COL5A2: variants seen among roughly 807,000 people sequenced by gnomAD.
The protein encoded by COL5A2 is collagen type V alpha 2 chain.
COL5A2 carries 23 observed loss-of-function variants against 208.2 expected under a neutral mutation model. That is an observed-to-expected ratio of 0.11 (90% confidence interval 0.08 to 0.16). COL5A2 has a LOEUF of 0.16. Among genes scored for constraint, COL5A2 ranks in the 10% least tolerant of loss-of-function variants. The pLI, the probability that COL5A2 is intolerant of heterozygous loss-of-function variation, is 1.00. For synonymous variants in COL5A2, 625 were observed against 628.5 expected, an observed-to-expected ratio of 0.99 and a Z score of 0.08; for missense variants, 1,590 against 1,956.4, an observed-to-expected ratio of 0.81 and a Z score of 3.53.
the COL5A2 span, among the ~76,000 whole-genome samples, chr2:189,434,379 G>A: frequency 4.6e-5 from 7 of 152,208 alleles, no homozygotes; most frequent in Admixed American, 1.3e-4. Context: ...AGGAAAATAG[G>A]AAGTCAAATT....
intron 1 of COL5A2, among the ~76,000 whole-genome samples, chr2:189,165,495 G>T (rs1414139793): frequency 6.6e-6 from 1 of 152,074 alleles, no homozygotes; most frequent in African/African-American, 2.4e-5. Context: ...AATTGTTTTA[G>T]TTATTGGAGG....
intron 6 of COL5A2, among the ~76,000 whole-genome samples, chr2:189,096,640 A>G (rs1214896240): frequency 2.7e-5 from 4 of 150,108 alleles, no homozygotes; most frequent in East Asian, 1.9e-4. Context: ...AAAAAAAAAG[A>G]AAAAAAAAGT....
chr2:189,272,858 A>G, the COL5A2 span, among the ~76,000 whole-genome samples: 1 of 152,172 alleles, frequency 6.6e-6, no homozygotes, highest in South Asian at 2.1e-4. Flanking sequence ...AGTAACACAG[A>G]TATTTCAGAA....
chr2:189,285,490 C>T, the COL5A2 span, among the ~76,000 whole-genome samples: 1 of 151,904 alleles, frequency 6.6e-6, no homozygotes, highest in Non-Finnish European at 1.5e-5. Flanking sequence ...TGGGTGCTCA[C>T]AAAAATCTCA....
chr2:189,327,622 T>TA, the COL5A2 span, among the ~76,000 whole-genome samples: 2 of 152,158 alleles, frequency 1.3e-5, no homozygotes, highest in Admixed American at 6.6e-5. Context: ...ATGAATCAAA[T>TA]AAAGAGTTGA....
At chr2:189,186,421 T>C (rs1273521133) in intron 1 of COL5A2, among the ~76,000 whole-genome samples, 5 of 152,210 alleles carry the variant, frequency 3.3e-5, no homozygotes, top group African/African-American at 4.8e-5. Flanking sequence ...ATTAAGTACT[T>C]ACTATGTCAA....
the COL5A2 span, among the ~76,000 whole-genome samples, chr2:189,372,013 A>G: frequency 6.6e-6 from 1 of 152,214 alleles, no homozygotes; most frequent in South Asian, 2.1e-4. Flanking sequence ...CAAGGAATAA[A>G]GAATGTTTTC....
At position 189,110,313 on chromosome 2, in the gene COL5A2, A is replaced by G. The variant is rs1202611195; in HGVS notation, c.234T>C (p.Asp78=). The change falls in exon 2 of 54, where the codon GAT becomes GAC. Residue 78 remains aspartate, a synonymous_variant. Coordinates refer to ENST00000374866, the MANE Select transcript of COL5A2 (RefSeq NM_000393.5). ...TTACAGGGTCGGCACAGTCCAGCAC[A>G]TCCTGGCATTCTATCTTGTCACAGA... The part of the protein sequence containing the change: ...AILCDKIECQ[D]VLDCADPVTP... 6.2e-7 allele frequency: 1 copy of G among 1,614,170 alleles called. No individual in the cohort carries two copies. Among genetic ancestry groups the G allele is most frequent in the Admixed American group, 1.7e-5 (1 of 60,018 alleles).
At chr2:189,359,974 G>T in the COL5A2 span, among the ~76,000 whole-genome samples, 1 of 152,008 alleles carries the variant, frequency 6.6e-6, no homozygotes. Flanking sequence ...TCTAGCTAAA[G>T]ATTTGTCAAT....
the COL5A2 span, among the ~76,000 whole-genome samples, chr2:189,266,041 A>T: frequency 6.6e-6 from 1 of 152,216 alleles, no homozygotes; most frequent in Non-Finnish European, 1.5e-5. Flanking sequence ...TAATAGCTAA[A>T]AGGTGAAAAC....
chr2:189,349,959 T>C, the COL5A2 span, among the ~76,000 whole-genome samples: 1 of 151,998 alleles, frequency 6.6e-6, no homozygotes, highest in Non-Finnish European at 1.5e-5. Context: ...CAGAAAAAAA[T>C]GAGTGTTAGT....
At chr2:189,433,612 C>A in the COL5A2 span, among the ~76,000 whole-genome samples, 1 of 152,260 alleles carries the variant, frequency 6.6e-6, no homozygotes, top group African/African-American at 2.4e-5. Flanking sequence ...GACACATACA[C>A]CCTCCCAAGA....
chr2:189,078,715 C>T (rs1686468389), intron 15 of COL5A2, 146 bp from the exon 16 acceptor site: 2 of 795,112 alleles, frequency 2.5e-6, no homozygotes, highest in Non-Finnish European at 4.6e-6. Context: ...GTTTGAAAAA[C>T]TATCCCCATG....
intron 25 of COL5A2, 30 bp from the exon 26 acceptor site, chr2:189,064,063 T>C: frequency 1.3e-6 from 2 of 1,590,416 alleles, no homozygotes; most frequent in Non-Finnish European, 1.7e-6. Context: ...TGTCAGTTTG[T>C]TGCTGATATG....
At chr2:189,087,562 C>T (rs886327778) in intron 8 of COL5A2, among the ~76,000 whole-genome samples, 1 of 151,616 alleles carries the variant, frequency 6.6e-6, no homozygotes, top group African/African-American at 2.4e-5. Context: ...CTCCCGGGTT[C>T]ACGCCTCAGC....
At chr2:189,064,450 C>A in intron 25 of COL5A2, 107 bp downstream of exon 25, 3 of 794,384 alleles carry the variant, frequency 3.8e-6, no homozygotes, top group South Asian at 1.5e-5. Context: ...AAGAAATGTT[C>A]TAAACTGTAA....
intron 9 of COL5A2, 89 bp from the exon 10 acceptor site, chr2:189,085,861 G>T: frequency 2.7e-6 from 3 of 1,095,400 alleles, no homozygotes; most frequent in Non-Finnish European, 4.1e-6. Context: ...TAATTGTTTA[G>T]ACAGTTGGCT....
chr2:189,303,158 C>G, the COL5A2 span, among the ~76,000 whole-genome samples: 1 of 152,238 alleles, frequency 6.6e-6, no homozygotes, highest in South Asian at 2.1e-4. Context: ...ATGGAAAGGA[C>G]ATTAAATTTG....
Position 189,097,563 on chromosome 2 carries a change from G to C in COL5A2, c.403-233C>G, listed in dbSNP as rs1351838942. On this transcript the variant is annotated intron_variant, in intron 5 of 53. Transcript: ENST00000374866. ...TATGAAGAACTAGGTGCACATTATG[G>C]CATCATGGAGCATAGTGAGCTAAAT... 3.0e-5 allele frequency: 20 copies of C among 668,098 alleles called. No homozygotes were observed. In the Middle Eastern group the frequency reaches 1.0e-3, roughly 34 times the overall value. 41.4% of individuals were successfully genotyped at this position (668,098 alleles called of 1,614,324 possible). A position where few individuals can be genotyped will look rare whatever the true frequency, so the allele number is the denominator to read the frequency against.
Sources: allele counts gnomAD v4.1 joint callset (sites outside exome capture counted in the v4.1 genomes callset), GRCh38; gene constraint gnomAD v4.1.1; transcripts MANE v1.5; gene names NCBI Gene and HGNC (gene_info 2026-07-23, HGNC 2026-07-21).